MUC12: variants seen among roughly 807,000 people sequenced by gnomAD.
The protein encoded by MUC12 is mucin-12.
MUC12 carries 172 observed loss-of-function variants against 230.8 expected under a neutral mutation model. The observed-to-expected ratio is 0.75, with a 90% CI of 0.66 to 0.85. The LOEUF (loss-of-function observed/expected upper bound fraction) is 0.85. Ranked by LOEUF, MUC12 falls within the 40% of genes least tolerant of loss-of-function variation. The pLI is 0.00. For missense variants in MUC12, 3,506 were observed against 5,920.6 expected (o/e 0.59, Z 13.38); for synonymous variants, 1,259 against 2,401.9 (o/e 0.52, Z 13.91).
Position 101,003,565 on chromosome 7 carries a change from C to A in MUC12, c.13002C>A (p.Asn4334Lys), listed in dbSNP as rs371042156. 172 of 1,530,076 alleles carry A rather than the reference C, an allele frequency of 1.1e-4. 5 individuals carry two copies. The South Asian group carries it at 1.9e-3, about 17-fold the overall frequency. 94.8% of individuals were successfully genotyped at this position (1,530,076 alleles called of 1,614,324 possible). ...GESTTFQSWP[N>K]SKDTTPAPPT... ...CTACCACCTTCCAGAGCTGGCCAAA[C>A]TCGAAGGACACTACCCCTGCACCTC... The change falls in exon 2 of 12, where the codon AAC becomes AAA. Residue 4334 changes from asparagine (N) to lysine (K), a missense_variant. By Grantham distance (94) the Asn-to-Lys change is moderately conservative. Coordinates refer to ENST00000536621, the MANE Select transcript of MUC12 (RefSeq NM_001164462.2).
intron 11 of MUC12, among the ~76,000 whole-genome samples, chr7:101,017,915 C>A: frequency 3.8e-5 from 1 of 26,198 alleles, no homozygotes; most frequent in African/African-American, 2.2e-4. Flanking sequence ...CTCCCTCCCT[C>A]CCCCTGGGAC....
chr7:101,016,154 C>T (rs1793913698), intron 10 of MUC12, among the ~76,000 whole-genome samples: 1 of 152,008 alleles, frequency 6.6e-6, no homozygotes, highest in African/African-American at 2.4e-5. Flanking sequence ...AAAGGGCACC[C>T]CAGGCAGGGG....
At chr7:101,018,109 T>C (rs1390123470) in intron 11 of MUC12, among the ~76,000 whole-genome samples, 2 of 2 alleles carry the variant, frequency 1, 1 homozygote, top group Non-Finnish European at 1. Flanking sequence ...CCCCCCTGGA[T>C]TCCCTCCCTC....
At chr7:101,008,535 C>G (rs1793791208) in intron 3 of MUC12, 99 bp from the exon 4 acceptor site, 1 of 1,428,882 alleles carries the variant, frequency 7.0e-7, no homozygotes. Flanking sequence ...TCTTAAGTTT[C>G]TTTCACCTTC....
At chr7:101,015,233 G>T in intron 9 of MUC12, 1 of 238,218 alleles carries the variant, frequency 4.2e-6, no homozygotes. Context: ...ACATGGGGAA[G>T]CTGAGATGGA....
Position 101,005,295 on chromosome 7 carries a change from G to A in MUC12, c.14732G>A (p.Ser4911Asn). Residue 4911 changes from serine to asparagine, a missense_variant, in exon 2 of 12, where the codon AGC (serine) becomes AAC (asparagine). Physicochemically the swap from Ser to Asn is conservative, Grantham distance 46. Transcript: ENST00000536621. Reference sequence around the variant, plus strand: ...CAGGAATCAACAGCCTTCCACAGCAGCTCAGACGCAACTGGAACAACACCC... The same window carrying A: ...CAGGAATCAACAGCCTTCCACAGCAACTCAGACGCAACTGGAACAACACCC... The part of the protein sequence containing the change: ...IGQESTAFHS[S>N]SDATGTTPLP... 1.3e-6 allele frequency: 2 copies of A among 1,537,880 alleles called. No individual in the cohort carries two copies. The highest frequency in any genetic ancestry group is 1.7e-6 in the Non-Finnish European group (2 of 1,147,046).
intron 1 of MUC12, among the ~76,000 whole-genome samples, chr7:100,976,017 G>A (rs538063817): frequency 2.0e-5 from 3 of 152,422 alleles, no homozygotes; most frequent in African/African-American, 7.2e-5. Context: ...GCCAGGCATG[G>A]TGGCTCACTC....
rs1001167901 is a variant in MUC12, at chr7:100,991,244, C to A, written c.681C>A (p.Ser227Arg). 1.2e-5 allele frequency: 19 copies of A among 1,537,688 alleles called. No individual in the cohort carries two copies. In the African/African-American group the frequency reaches 2.6e-4, roughly 21 times the overall value. Residue 227 changes from serine (S) to arginine (R), a missense_variant, in exon 2 of 12, where the codon AGC becomes AGA. Ser to Arg is a moderately radical substitution (Grantham distance 110). Coordinates refer to ENST00000536621, the MANE Select transcript of MUC12 (RefSeq NM_001164462.2). Reference protein sequence around the residue: ...LGPESTTFHSSPGYTKTTRLP... With the variant: ...LGPESTTFHSRPGYTKTTRLP... ...CAGAATCTACTACCTTCCACAGCAGCCCAGGCTACACTAAAACAACACGCT... is the reference window on the plus strand; with the variant it reads ...CAGAATCTACTACCTTCCACAGCAGACCAGGCTACACTAAAACAACACGCT...
rs376358908 is a variant in MUC12, at chr7:100,993,005, C to G, written c.2442C>G (p.Thr814=). 1.6e-4 allele frequency: 247 copies of G among 1,537,052 alleles called. 2 individuals are homozygous for G. The African/African-American group carries it at 2.9e-3, about 18-fold the overall frequency. ...SMETTALPGS[T]TTPGLSERST... ...AAACGACAGCGTTACCCGGCAGTAC[C>G]ACAACGCCAGGCCTCAGTGAGAGAT... is the stretch of plus-strand genomic sequence containing the variant. The change falls in exon 2 of 12, where the codon ACC becomes ACG. Residue 814 remains threonine (T), a synonymous_variant. Transcript: ENST00000536621.
chr7:101,008,690 A>T lies in MUC12; in HGVS notation c.15115A>T (p.Asn5039Tyr). Reference sequence around the variant, plus strand: ...TATGACAGTGAAAGTGACTTACAGAAATTTCACAGAAAAGATGAATGACGC... The same window carrying T: ...TATGACAGTGAAAGTGACTTACAGATATTTCACAGAAAAGATGAATGACGC... ...LGMTVKVTYR[N>Y]FTEKMNDASS... Residue 5039 changes from asparagine to tyrosine, a missense_variant, in exon 4 of 12, where the codon AAT becomes TAT. Asn to Tyr is a moderately radical substitution (Grantham distance 143). Coordinates refer to ENST00000536621, the MANE Select transcript of MUC12 (RefSeq NM_001164462.2). 2.0e-6 allele frequency: 3 copies of T among 1,537,328 alleles called. No homozygotes were observed. The South Asian group carries it at 3.6e-5, about 18-fold the overall frequency.
At chr7:101,008,979 C>T in intron 4 of MUC12, 116 bp from the exon 5 acceptor site, 2 of 1,338,822 alleles carry the variant, frequency 1.5e-6, no homozygotes, top group Non-Finnish European at 2.1e-6. Context: ...GGTGGTTCCT[C>T]CTATGGGAGC....
In MUC12 at chr7:101,005,219, G is replaced by A; in HGVS notation, c.14656G>A (p.Gly4886Ser). ...ATCTACACCCTTCCCTGACAGCCCA[G>A]GCTTCACTCACACAGTGTTACCTGC... The part of the protein sequence containing the change: ...QQSTPFPDSP[G>S]FTHTVLPATL... Residue 4886 changes from glycine to serine, a missense_variant, in exon 2 of 12, where the codon GGC (glycine) becomes AGC (serine). Coordinates refer to ENST00000536621, the MANE Select transcript of MUC12 (RefSeq NM_001164462.2). 1 of 1,537,856 alleles carries A rather than the reference G, an allele frequency of 6.5e-7. No homozygotes were observed. The highest frequency in any genetic ancestry group is 8.7e-7 in the Non-Finnish European group (1 of 1,147,054).
Position 100,991,440 on chromosome 7 carries a change from G to T in MUC12, c.877G>T (p.Gly293Cys), listed in dbSNP as rs530244792. 6.5e-7 allele frequency: 1 copy of T among 1,537,582 alleles called. No individual in the cohort carries two copies. The highest frequency in any genetic ancestry group is 8.7e-7 in the Non-Finnish European group (1 of 1,147,014). The part of the protein sequence containing the change: ...SSKDTSPAPS[G>C]TTSAFVKLST... ...AAAGGACACTTCGCCTGCACCTTCTGGTACCACATCAGCCTTTGTTAAACT... is the reference window on the plus strand; with the variant it reads ...AAAGGACACTTCGCCTGCACCTTCTTGTACCACATCAGCCTTTGTTAAACT... Residue 293 changes from glycine to cysteine, a missense_variant, in exon 2 of 12, where the codon GGT (glycine) becomes TGT (cysteine). Gly to Cys is a radical substitution (Grantham distance 159). Coordinates refer to ENST00000536621, the MANE Select transcript of MUC12 (RefSeq NM_001164462.2).
In MUC12 at chr7:100,992,311, G is replaced by A. The variant is rs535822293; in HGVS notation, c.1748G>A (p.Arg583His). Residue 583 changes from arginine (R) to histidine (H), a missense_variant, in exon 2 of 12, where the codon CGC becomes CAC. Arg to His is a conservative substitution (Grantham distance 29, BLOSUM62 0). Coordinates refer to ENST00000536621, the MANE Select transcript of MUC12 (RefSeq NM_001164462.2). ...CCAGAATATACTACCTTCCACAGCC[G>A]CCCAGGCTCCACTGAAACAACACTC... ...LGPEYTTFHS[R>H]PGSTETTLLP... 8.5e-6 allele frequency: 13 copies of A among 1,536,712 alleles called. 1 individual carries two copies. In the Admixed American group the frequency reaches 1.6e-4, roughly 19 times the overall value.
In MUC12 at chr7:100,983,138, G is replaced by A. The variant is rs370706019; in HGVS notation, c.68-7493G>A. Among the ~76,000 whole-genome samples, 9 of 152,088 alleles carry A rather than the reference G, an allele frequency of 5.9e-5. No homozygotes were observed. The East Asian group carries it at 1.4e-3, about 23-fold the overall frequency. On this transcript the variant is annotated intron_variant, in intron 1 of 11. Coordinates refer to ENST00000536621, the MANE Select transcript of MUC12 (RefSeq NM_001164462.2). ...GATTCCTATGTAAAATAGAAATAGC[G>A]GCTGGGTGCTGTGGCTCACACCTGT...
chr7:101,014,266 T>G, intron 9 of MUC12, 192 bp downstream of exon 9: 2 of 514,502 alleles, frequency 3.9e-6, no homozygotes, highest in South Asian at 3.6e-5. Context: ...GATACATCAA[T>G]TTGGCAGTGT....
At chr7:100,971,458 T>C (rs554037345) in intron 1 of MUC12, among the ~76,000 whole-genome samples, 1,593 of 151,596 alleles carry the variant, frequency 0.011, no homozygotes, top group African/African-American at 0.036. Flanking sequence ...CAGGACACCT[T>C]CGAGGTAACC....
In MUC12 at chr7:101,017,591, G is replaced by A. The variant is rs1210510225; in HGVS notation, c.15894G>A (p.Glu5298=). ...TCCCTACAGACCAGAATCTGAGGGA[G>A]AGCAGATTCGGCCTTGAGAACGCCT... The part of the protein sequence containing the change: ...TAIWEDQNLR[E]SRFGLENAYN... The change falls in exon 11 of 12, where the codon GAG becomes GAA. Residue 5298 remains glutamate, a synonymous_variant. Coordinates refer to ENST00000536621, the MANE Select transcript of MUC12 (RefSeq NM_001164462.2). 6.5e-7 allele frequency: 1 copy of A among 1,535,694 alleles called. No homozygotes were observed. The highest frequency in any genetic ancestry group is 2.0e-5 in the Admixed American group (1 of 50,908).
At chr7:101,011,673 C>T (rs965533703) in intron 5 of MUC12, among the ~76,000 whole-genome samples, 3 of 152,150 alleles carry the variant, frequency 2.0e-5, no homozygotes, top group Admixed American at 6.5e-5. Context: ...CCTCCCACCT[C>T]GGCCTCCCAA....
Sources: allele counts gnomAD v4.1 joint callset (sites outside exome capture counted in the v4.1 genomes callset), GRCh38; gene constraint gnomAD v4.1.1; transcripts MANE v1.5; gene names NCBI Gene and HGNC (gene_info 2026-07-23, HGNC 2026-07-21).